The following PKM variants were observed in gnomAD, a reference collection of about 807,000 sequenced individuals.
The protein encoded by PKM is pyruvate kinase PKM.
A neutral mutation model predicts 49.8 loss-of-function variants in PKM; 18 were observed. That is an observed-to-expected ratio of 0.36 (90% CI 0.25 to 0.54). The LOEUF is 0.54. Ranked by LOEUF, PKM falls within the 20% of genes least tolerant of loss-of-function variation. PKM has a pLI of 0.89. For synonymous variants in PKM, 239 were observed against 261.8 expected (o/e 0.91, Z 0.84); for missense variants, 508 against 713.8 (o/e 0.71, Z 3.28).
Position 72,208,906 on chromosome 15 carries a change from G to T in PKM, c.566-15C>A, listed in dbSNP as rs187854804. 4.0e-3 allele frequency: 6,471 copies of T among 1,612,006 alleles called. 27 individuals carry two copies. The highest frequency in any genetic ancestry group is 5.0e-3 in the Non-Finnish European group (5,853 of 1,178,906). On this transcript the variant is annotated splice_polypyrimidine_tract_variant and intron_variant, in intron 5 of 10. Transcript: ENST00000335181. ...GAAGTCGGCACCTGTATGAAAAAGG[G>T]TAAGTAGGGGAGGCAGAGCACGAGG...
rs1270107146 is a variant in PKM at position 72,200,335 on chromosome 15, G to A, written c.1489+139C>T. 2.7e-6 allele frequency: 2 copies of A among 753,348 alleles called. No individual in the cohort carries two copies. The highest frequency in any genetic ancestry group is 2.3e-6 in the Non-Finnish European group (1 of 431,498). 46.7% of individuals were successfully genotyped at this position (753,348 alleles called of 1,614,324 possible). A position where few individuals can be genotyped will look rare whatever the true frequency, so the allele number is the denominator to read the frequency against. On this transcript the variant is annotated intron_variant, in intron 10 of 10. Transcript: ENST00000335181. The surrounding 1 kb of genome is among the most constrained non-coding windows in gnomAD (Gnocchi z 4.6). ...AATGAACATTCCCAATAAGGGAGAG[G>A]AACAGTCGCTGGGCCTTTTGCCCCA...
At chr15:72,228,513 T>C in intron 1 of PKM, 1 of 535,914 alleles carries the variant, frequency 1.9e-6, no homozygotes, top group Non-Finnish European at 3.3e-6. Context: ...ATTATCTGAC[T>C]CACTGAAAGG....
At chr15:72,206,903 T>C (rs745380726) in intron 7 of PKM, 23 bp from the exon 8 acceptor site, 1 of 1,613,582 alleles carries the variant, frequency 6.2e-7, no homozygotes, top group Admixed American at 1.7e-5. Flanking sequence ...AGAGCATTAG[T>C]GAGATGTAGC....
chr15:72,228,037 G>A (rs1478056054), intron 1 of PKM, among the ~76,000 whole-genome samples: 1 of 152,186 alleles, frequency 6.6e-6, no homozygotes, highest in Non-Finnish European at 1.5e-5. Context: ...GTCACTGGGG[G>A]TACGGTTCTT....
chr15:72,223,724 T>C (rs2082587734), intron 1 of PKM, among the ~76,000 whole-genome samples: 1 of 152,126 alleles, frequency 6.6e-6, no homozygotes, highest in African/African-American at 2.4e-5. Context: ...CATCTATAGT[T>C]AAGGGTAATG....
intron 4 of PKM, 86 bp from the exon 5 acceptor site, chr15:72,209,945 C>T: frequency 8.7e-7 from 1 of 1,145,086 alleles, no homozygotes; most frequent in South Asian, 1.2e-5. Flanking sequence ...CTCTTTCCTC[C>T]CGGGAACAAT....
Position 72,202,176 on chromosome 15 carries a change from C to T in PKM, c.1307+278G>A. 1 of 491,092 alleles carries T rather than the reference C, an allele frequency of 2.0e-6. No homozygotes were observed. Among genetic ancestry groups the T allele is most frequent in the East Asian group, 3.6e-5 (1 of 27,596 alleles). The allele number at this position is 491,092 out of a possible 1,614,324, so 30.4% of individuals were successfully genotyped here. ...GACTAAATTTTCAATATCAAATAACCATTTGTAGTCAGCCTGTGCACTGTT... is the reference window on the plus strand; with the variant it reads ...GACTAAATTTTCAATATCAAATAACTATTTGTAGTCAGCCTGTGCACTGTT... On this transcript the variant is annotated intron_variant, in intron 9 of 10. Transcript: ENST00000335181. The surrounding 1 kb of genome is among the most constrained non-coding windows in gnomAD (Gnocchi z 4.5).
intron 1 of PKM, among the ~76,000 whole-genome samples, chr15:72,227,744 CAAAAAAAAAAAAAA>C (rs34876633): frequency 3.7e-4 from 4 of 10,808 alleles, no homozygotes; most frequent in East Asian, 6.1e-3. Context: ...AAAACTATCT[CAAAAAAAAAAAAAA>C]AAAAAAAAAA....
intron 1 of PKM, among the ~76,000 whole-genome samples, chr15:72,221,882 C>T (rs1156472209): frequency 2.8e-5 from 4 of 144,212 alleles, no homozygotes; most frequent in East Asian, 2.0e-4. Flanking sequence ...ACAGTTTCAA[C>T]GGCTTAAGAA....
intron 1 of PKM, among the ~76,000 whole-genome samples, chr15:72,229,086 G>A (rs1056832811): frequency 2.1e-4 from 32 of 152,224 alleles, no homozygotes; most frequent in African/African-American, 7.7e-4. Flanking sequence ...CTGGTTTCCA[G>A]GAGACACGTG....
At chr15:72,223,541 G>C (rs2082583119) in intron 1 of PKM, among the ~76,000 whole-genome samples, 1 of 152,172 alleles carries the variant, frequency 6.6e-6, no homozygotes, top group African/African-American at 2.4e-5. Context: ...CCGTTAGAAA[G>C]TCTGCATCAT....
intron 1 of PKM, among the ~76,000 whole-genome samples, chr15:72,227,516 C>T (rs1338065520): frequency 1.3e-5 from 2 of 152,020 alleles, no homozygotes; most frequent in South Asian, 2.1e-4. Flanking sequence ...AGGCCGAGGC[C>T]GGTGGATCAC....
In PKM at chr15:72,200,638, G is replaced by A. The variant is rs776353107; in HGVS notation, c.1325C>T (p.Ala442Val). The change falls in exon 10 of 11, where the codon GCC becomes GTC. Residue 442 changes from alanine to valine, a missense_variant. Transcript: ENST00000335181. The surrounding 1 kb of genome is among the most constrained non-coding windows in gnomAD (Gnocchi z 4.6). ...GATGGGGGCACGTGGGCGGTATCTGGCCACCTGGTGAGCAGACCTGAGATG... is the reference window on the plus strand; with the variant it reads ...GATGGGGGCACGTGGGCGGTATCTGACCACCTGGTGAGCAGACCTGAGATG... ...TKSGRSAHQV[A>V]RYRPRAPIIA... 3.7e-6 allele frequency: 6 copies of A among 1,612,648 alleles called. No homozygotes were observed.
intron 1 of PKM, among the ~76,000 whole-genome samples, chr15:72,222,236 A>C (rs1200490385): frequency 6.6e-6 from 1 of 152,234 alleles, no homozygotes; most frequent in African/African-American, 2.4e-5. Context: ...CAGTCAAAAA[A>C]AGCTTGCTTG....
Position 72,219,128 on chromosome 15 carries a change from G to T in PKM, c.-13-18C>A, listed in dbSNP as rs1040483111. 2 of 1,607,496 alleles carry T rather than the reference G, an allele frequency of 1.2e-6. No homozygotes were observed. The highest frequency in any genetic ancestry group is 2.7e-5 in the African/African-American group (2 of 74,928). ...CTGAGGTCCTGGGTCGAGACAAATT[G>T]AAAGAGAGTGGTAAGACTGAGAAGT... On this transcript the variant is annotated intron_variant, in intron 1 of 10. Transcript: ENST00000335181.
chr15:72,227,762 A>AAAAAAC, intron 1 of PKM, among the ~76,000 whole-genome samples: 2 of 134,444 alleles, frequency 1.5e-5, no homozygotes, highest in African/African-American at 6.8e-5. Flanking sequence ...AAAAAAAAAA[A>AAAAAAC]AAAAAAAAAA....
chr15:72,219,329 T>C, intron 1 of PKM: 1 of 517,630 alleles, frequency 1.9e-6, no homozygotes, highest in African/African-American at 1.9e-5. Context: ...ACTGAACAAG[T>C]TAAAACCTCC....
At chr15:72,229,971 G>A (rs1462436281) in intron 1 of PKM, among the ~76,000 whole-genome samples, 3 of 152,056 alleles carry the variant, frequency 2.0e-5, no homozygotes, top group Admixed American at 6.5e-5. Context: ...GGAGAGGCGC[G>A]GAACGGGCGA....
rs2081913338 is a variant in PKM at position 72,200,422 on chromosome 15, C to T, written c.1489+52G>A. On this transcript the variant is annotated intron_variant, in intron 10 of 10. Transcript: ENST00000335181. The surrounding 1 kb of genome is among the most constrained non-coding windows in gnomAD (Gnocchi z 4.6). ...TTTCGGGGTCCCACAGAAGCCAATGCTCAAGCATCCCCAAGCTCCTCTAGG... is the reference window on the plus strand; with the variant it reads ...TTTCGGGGTCCCACAGAAGCCAATGTTCAAGCATCCCCAAGCTCCTCTAGG... 3 of 1,578,538 alleles carry T rather than the reference C, an allele frequency of 1.9e-6. No homozygotes were observed. Among genetic ancestry groups the T allele is most frequent in the Non-Finnish European group, 1.7e-6 (2 of 1,150,290 alleles).
Sources: gnomAD v4.1 joint callset for allele counts (sites outside exome capture counted in the v4.1 genomes callset) on GRCh38, gnomAD v4.1.1 for gene constraint, Gnocchi (gnomAD v3.1) non-coding constraint, MANE v1.5 for transcripts, NCBI Gene and HGNC (gene_info 2026-07-23, HGNC 2026-07-21) for gene names.